OSCP1: variants seen among roughly 807,000 people sequenced by gnomAD.
OSCP1 encodes the protein protein OSCP1.
A neutral mutation model predicts 45.1 loss-of-function variants in OSCP1; 35 were observed. That is an observed-to-expected ratio of 0.78 (90% CI 0.59 to 1.03). The LOEUF is 1.03. Among genes scored for constraint, OSCP1 ranks in the 50% least tolerant of loss-of-function variants. The probability of loss-of-function intolerance (pLI) is 0.00; values close to 1 mark genes in which losing one functional copy is unlikely to be tolerated. For missense variants in OSCP1, 400 were observed against 470.7 expected (o/e 0.85, Z 1.39); for synonymous variants, 179 against 180.1 (o/e 0.99, Z 0.05).
intron 1 of OSCP1, among the ~76,000 whole-genome samples, chr1:36,446,491 C>T (rs987465355): frequency 1.1e-4 from 17 of 152,226 alleles, no homozygotes; most frequent in Non-Finnish European, 2.4e-4. Context: ...CAGATGCTCC[C>T]GAAGGCAGGC....
intron 1 of OSCP1, 148 bp from the exon 2 acceptor site, chr1:36,439,058 C>T: frequency 1.4e-6 from 1 of 724,076 alleles, no homozygotes; most frequent in African/African-American, 1.8e-5. Context: ...CTGAGGGGAC[C>T]ACACAGGTGT....
At chr1:36,432,702 T>C in intron 2 of OSCP1, 113 bp from the exon 3 acceptor site, 1 of 1,249,588 alleles carries the variant, frequency 8.0e-7, no homozygotes, top group Non-Finnish European at 1.2e-6. Context: ...GGGCTTGCCA[T>C]ACAGCTCGGG....
At position 36,419,091 on chromosome 1, in the gene OSCP1, G is replaced by T. The variant is rs367840416; in HGVS notation, c.960-37C>A. The stretch of plus-strand genomic sequence containing the variant: ...GGTAAAGAAAATGGGTGCAACATTA[G>T]GGTTCTTTCCCTGCCAGCATGGCAA... On this transcript the variant is annotated intron_variant, in intron 8 of 9. Coordinates refer to ENST00000235532, the MANE Select transcript of OSCP1 (RefSeq NM_145047.5). 9.6e-6 allele frequency: 15 copies of T among 1,562,282 alleles called. No homozygotes were observed. In the African/African-American group the frequency reaches 1.9e-4, roughly 20 times the overall value.
chr1:36,422,363 G>A, intron 6 of OSCP1, 144 bp from the exon 7 acceptor site: 2 of 785,202 alleles, frequency 2.5e-6, no homozygotes, highest in Non-Finnish European at 4.3e-6. Context: ...GCAACTGAGT[G>A]TGTGTTAACC....
chr1:36,422,602 G>A (rs1014175182), intron 6 of OSCP1, among the ~76,000 whole-genome samples, 166 bp downstream of exon 6: 2 of 152,006 alleles, frequency 1.3e-5, no homozygotes, highest in African/African-American at 2.4e-5. Context: ...GCGTTCCTGG[G>A]TGCCCTTTGA....
At chr1:36,419,977 C>CTT (rs56851568) in intron 8 of OSCP1, among the ~76,000 whole-genome samples, 5 of 136,228 alleles carry the variant, frequency 3.7e-5, no homozygotes, top group Admixed American at 7.4e-5. Context: ...CACACCGTCT[C>CTT]TTTTTTTTTT....
chr1:36,441,156 C>T (rs966817331), intron 1 of OSCP1, among the ~76,000 whole-genome samples: 2 of 152,176 alleles, frequency 1.3e-5, no homozygotes, highest in East Asian at 3.9e-4. Flanking sequence ...CGGGGTCTGT[C>T]CTTGTGGGCA....
chr1:36,436,263 C>T (rs558425250), intron 2 of OSCP1, among the ~76,000 whole-genome samples: 4 of 151,234 alleles, frequency 2.6e-5, no homozygotes, highest in Admixed American at 6.6e-5. Flanking sequence ...ACCACCACAC[C>T]GGGCTAATTT....
chr1:36,424,530 G>A (rs1277789874), intron 4 of OSCP1, among the ~76,000 whole-genome samples: 1 of 152,220 alleles, frequency 6.6e-6, no homozygotes, highest in Non-Finnish European at 1.5e-5. Flanking sequence ...CAGCCAGCTG[G>A]TAAGGGGCAG....
At chr1:36,443,884 G>T in intron 1 of OSCP1, 1 of 1,102,330 alleles carries the variant, frequency 9.1e-7, no homozygotes, top group Non-Finnish European at 1.4e-6. Context: ...ACAAACTCAT[G>T]CCTATTTTCT....
Position 36,429,535 on chromosome 1 carries a change from A to ATTTTT in OSCP1, c.516+2262_516+2266dup, listed in dbSNP as rs200043573. Among the ~76,000 whole-genome samples, 87 of 100,300 alleles carry ATTTTT rather than the reference A, an allele frequency of 8.7e-4. 13 individuals carry two copies. Among genetic ancestry groups the ATTTTT allele is most frequent in the African/African-American group, 3.2e-3 (77 of 23,886 alleles). The allele number at this position is 100,300 out of a possible 152,430, so 65.8% of individuals were successfully genotyped here. Reference sequence around the variant, plus strand: ...CACATTCAAAATTCAGAAGCTTAGAATTTTTTTTTTTTTTTTTTTTTTTTT... The same window carrying ATTTTT: ...CACATTCAAAATTCAGAAGCTTAGAATTTTTTTTTTTTTTTTTTTTTTTTTTTTTT... On this transcript the variant is annotated intron_variant, in intron 4 of 9. Coordinates refer to ENST00000235532, the MANE Select transcript of OSCP1 (RefSeq NM_145047.5).
Position 36,431,870 on chromosome 1 carries a change from G to C in OSCP1, c.448C>G (p.Leu150Val). ...ATCAGCTGGAACTCCCCTGCAGAGA[G>C]ACCACCATATATCTGCCAAAGGCAA... is the stretch of plus-strand genomic sequence containing the variant. The part of the protein sequence containing the change: ...LRQLTEIYGG[L>V]SAGEFQLIRQ... The change falls in exon 4 of 10, where the codon CTC becomes GTC. Residue 150 changes from leucine (L) to valine (V), a missense_variant. Coordinates refer to ENST00000235532, the MANE Select transcript of OSCP1 (RefSeq NM_145047.5). The C allele has an allele frequency of 6.2e-7, 1 of 1,613,220 alleles. No homozygotes were observed. Among genetic ancestry groups the C allele is most frequent in the Non-Finnish European group, 8.5e-7 (1 of 1,179,980 alleles).
intron 8 of OSCP1, chr1:36,420,272 G>T (rs1163596221): frequency 1.6e-6 from 1 of 618,370 alleles, no homozygotes; most frequent in Non-Finnish European, 2.5e-6. Context: ...CACTGCACCC[G>T]GCCCCATCTC....
At chr1:36,434,045 G>C (rs1648548888) in intron 2 of OSCP1, among the ~76,000 whole-genome samples, 1 of 152,126 alleles carries the variant, frequency 6.6e-6, no homozygotes, top group African/African-American at 2.4e-5. Flanking sequence ...TGTCCAGAAG[G>C]ACTGCACCTT....
At chr1:36,435,435 C>T (rs1033505580) in intron 2 of OSCP1, among the ~76,000 whole-genome samples, 2 of 151,976 alleles carry the variant, frequency 1.3e-5, no homozygotes, top group Non-Finnish European at 2.9e-5. Flanking sequence ...GTGTGAGCTA[C>T]TGTGCTCAGT....
chr1:36,438,310 T>C (rs1415417812), intron 2 of OSCP1, among the ~76,000 whole-genome samples: 12 of 73,578 alleles, frequency 1.6e-4, no homozygotes, highest in East Asian at 4.7e-4. Flanking sequence ...AGAGCGAAAC[T>C]CCATCTCAAA....
chr1:36,432,433 G>GC lies in OSCP1; in HGVS notation c.423dup (p.Gln142AlafsTer43). On this transcript the variant is annotated frameshift_variant, in exon 3 of 10. Coordinates refer to ENST00000235532, the MANE Select transcript of OSCP1 (RefSeq NM_145047.5). LOFTEE classifies it high-confidence loss of function. ...GATGGCACTCTTACTTCTGTCAGCTGCCGCAAAGTCTCGTCCACTTGCTGC... is the reference window on the plus strand; with the variant it reads ...GATGGCACTCTTACTTCTGTCAGCTGCCCGCAAAGTCTCGTCCACTTGCTGC... 1 of 1,613,972 alleles carries GC rather than the reference G, an allele frequency of 6.2e-7. No individual in the cohort carries two copies. Among genetic ancestry groups the GC allele is most frequent in the South Asian group, 1.1e-5 (1 of 91,082 alleles).
intron 4 of OSCP1, among the ~76,000 whole-genome samples, chr1:36,423,895 A>T (rs573027414): frequency 6.6e-6 from 1 of 152,142 alleles, no homozygotes; most frequent in South Asian, 2.1e-4. Context: ...AAAATAAAAA[A>T]AAGAAGGGAG....
At position 36,443,901 on chromosome 1, in the gene OSCP1, G is replaced by T; in HGVS notation, c.113-4991C>A. Reference sequence around the variant, plus strand: ...AAACTCATGCCTATTTTCTTACTTTGACTTTGAAATGTTTCAAGCGGTCCC... The same window carrying T: ...AAACTCATGCCTATTTTCTTACTTTTACTTTGAAATGTTTCAAGCGGTCCC... On this transcript the variant is annotated intron_variant, in intron 1 of 9. Coordinates refer to ENST00000235532, the MANE Select transcript of OSCP1 (RefSeq NM_145047.5). 3 of 1,319,316 alleles carry T rather than the reference G, an allele frequency of 2.3e-6. No homozygotes were observed. The South Asian group carries it at 3.7e-5, about 16-fold the overall frequency. 81.7% of individuals were successfully genotyped at this position (1,319,316 alleles called of 1,614,324 possible).
Sources: allele counts gnomAD v4.1 joint callset (sites outside exome capture counted in the v4.1 genomes callset), GRCh38; gene constraint gnomAD v4.1.1; transcripts MANE v1.5; gene names NCBI Gene and HGNC (gene_info 2026-07-23, HGNC 2026-07-21).